The following UBE2Q2 variants were observed in gnomAD, a reference collection of about 807,000 sequenced individuals.
UBE2Q2 encodes the protein ubiquitin-conjugating enzyme E2 Q2.
In UBE2Q2, 54 loss-of-function variants were observed where a neutral mutation model predicts 59.9. The observed-to-expected ratio is 0.90, with a 90% CI of 0.72 to 1.13. UBE2Q2 has a LOEUF of 1.13. Ranked by LOEUF, UBE2Q2 falls within the 50% of genes most tolerant of loss-of-function variation. The pLI, the probability that UBE2Q2 is intolerant of heterozygous loss-of-function variation, is 0.00. For missense variants in UBE2Q2, 433 were observed against 441.9 expected, an observed-to-expected ratio of 0.98 and a Z score of 0.18; for synonymous variants, 165 against 155.2, an observed-to-expected ratio of 1.06 and a Z score of -0.47.
chr15:75,876,783 CCTCT>C (rs1375130316), intron 6 of UBE2Q2, among the ~76,000 whole-genome samples: 2 of 152,092 alleles, frequency 1.3e-5, no homozygotes, highest in African/African-American at 4.8e-5. Flanking sequence ...TGTTATGGAA[CCTCT>C]CTAACTAGAG....
intron 4 of UBE2Q2, among the ~76,000 whole-genome samples, chr15:75,870,387 A>T (rs897325103): frequency 2.0e-5 from 3 of 152,136 alleles, no homozygotes; most frequent in African/African-American, 7.2e-5. Flanking sequence ...GGCTTGTTTT[A>T]TGAGTCTGGG....
chr15:75,859,219 A>T lies in UBE2Q2; in HGVS notation c.283-659A>T, dbSNP rs185327568. On this transcript the variant is annotated intron_variant, in intron 2 of 12. Coordinates refer to ENST00000267938, the MANE Select transcript of UBE2Q2 (RefSeq NM_173469.4). ...TACAGTTATTCTTTGCAGTTTTCCTAGTGAATTATTGTTATTTTTTATACA... is the reference window on the plus strand; with the variant it reads ...TACAGTTATTCTTTGCAGTTTTCCTTGTGAATTATTGTTATTTTTTATACA... Among the ~76,000 whole-genome samples, 245 of 152,334 alleles carry T rather than the reference A, an allele frequency of 1.6e-3. 2 individuals carry two copies. The highest frequency in any genetic ancestry group is 5.7e-3 in the African/African-American group (239 of 41,570).
intron 1 of UBE2Q2, among the ~76,000 whole-genome samples, chr15:75,851,207 C>G (rs1896620145): frequency 6.6e-6 from 1 of 150,940 alleles, no homozygotes; most frequent in African/African-American, 2.4e-5. Flanking sequence ...TCACAGCTCA[C>G]TGCACCCTCA....
At chr15:75,872,938 G>A (rs549561664) in intron 4 of UBE2Q2, among the ~76,000 whole-genome samples, 4 of 151,986 alleles carry the variant, frequency 2.6e-5, no homozygotes, top group Non-Finnish European at 5.9e-5. Flanking sequence ...GTATTTCAGT[G>A]GCCTCTTAAT....
At position 75,856,247 on chromosome 15, in the gene UBE2Q2, G is replaced by A. The variant is rs2675219; in HGVS notation, c.282+1760G>A. 9.7e-3 allele frequency among the ~76,000 whole-genome samples: 510 copies of A among 52,476 alleles called. 5 individuals carry two copies. Among genetic ancestry groups the A allele is most frequent in the African/African-American group, 0.058 (492 of 8,544 alleles). 34.4% of individuals were successfully genotyped at this position (52,476 alleles called of 152,430 possible). A position where few individuals can be genotyped will look rare whatever the true frequency, so the allele number is the denominator to read the frequency against. ...CATGTATGTGTATATGTGTATATAC[G>A]TGTGTGTGTGTGTGTGTGTGTGTAT... On this transcript the variant is annotated intron_variant, in intron 2 of 12. Coordinates refer to ENST00000267938, the MANE Select transcript of UBE2Q2 (RefSeq NM_173469.4).
At position 75,843,811 on chromosome 15, in the gene UBE2Q2, C is replaced by T; in HGVS notation, c.145C>T (p.Leu49=). 6.3e-7 allele frequency: 1 copy of T among 1,599,534 alleles called. No individual in the cohort carries two copies. The highest frequency in any genetic ancestry group is 1.3e-5 in the African/African-American group (1 of 74,198). Residue 49 remains leucine (L), a synonymous_variant, in exon 1 of 13, where the codon CTG becomes TTG. Coordinates refer to ENST00000267938, the MANE Select transcript of UBE2Q2 (RefSeq NM_173469.4). The part of the protein sequence containing the change: ...LVPQQGSPHS[L]PPPLTLHCNI... ...GCCGCAGCAGGGCAGCCCGCACTCG[C>T]TGCCGCCGCCACTCACGCTCCACTG...
At chr15:75,861,783 C>A (rs905235390) in intron 3 of UBE2Q2, among the ~76,000 whole-genome samples, 1 of 152,154 alleles carries the variant, frequency 6.6e-6, no homozygotes, top group Non-Finnish European at 1.5e-5. Flanking sequence ...ACAAATTTGC[C>A]TATCTATCAC....
At chr15:75,846,080 AGTT>A (rs1896330334) in intron 1 of UBE2Q2, among the ~76,000 whole-genome samples, 1 of 152,226 alleles carries the variant, frequency 6.6e-6, no homozygotes, top group Non-Finnish European at 1.5e-5. Context: ...AATGTACAAA[AGTT>A]GAACAGTGTA....
At chr15:75,888,626 CAAAAT>C (rs1321398463) in intron 9 of UBE2Q2, among the ~76,000 whole-genome samples, 1 of 152,078 alleles carries the variant, frequency 6.6e-6, no homozygotes, top group Non-Finnish European at 1.5e-5. Context: ...CACTTGTTGA[CAAAAT>C]GAATGTAATT....
chr15:75,870,049 A>G (rs938728906), intron 4 of UBE2Q2, among the ~76,000 whole-genome samples: 1 of 152,140 alleles, frequency 6.6e-6, no homozygotes, highest in African/African-American at 2.4e-5. Flanking sequence ...AATGCTTCAG[A>G]ACTAAAGAAG....
At chr15:75,846,268 C>T (rs1365412004) in intron 1 of UBE2Q2, among the ~76,000 whole-genome samples, 2 of 152,112 alleles carry the variant, frequency 1.3e-5, no homozygotes, top group South Asian at 2.1e-4. Context: ...GACGGAGTCT[C>T]GCTGTGTCGT....
chr15:75,872,442 T>G (rs1897846899), intron 4 of UBE2Q2, among the ~76,000 whole-genome samples: 1 of 151,896 alleles, frequency 6.6e-6, no homozygotes, highest in South Asian at 2.1e-4. Flanking sequence ...TTTATATATG[T>G]GTAAGAACAG....
At position 75,889,236 on chromosome 15, in the gene UBE2Q2, T is replaced by C. The variant is rs567838417; in HGVS notation, c.885-1199T>C. Among the ~76,000 whole-genome samples, 77 of 152,330 alleles carry C rather than the reference T, an allele frequency of 5.1e-4. 1 individual carries two copies. In the South Asian group the frequency reaches 0.016, roughly 31 times the overall value. ...TGAATTTAAATTTTTGGAGAGTTTT[T>C]CTTTTAGATTTTCTTTCACTTTTAG... On this transcript the variant is annotated intron_variant, in intron 9 of 12. Coordinates refer to ENST00000267938, the MANE Select transcript of UBE2Q2 (RefSeq NM_173469.4).
intron 11 of UBE2Q2, among the ~76,000 whole-genome samples, chr15:75,892,186 G>A (rs1482409151): frequency 6.6e-6 from 1 of 152,180 alleles, no homozygotes; most frequent in South Asian, 2.1e-4. Context: ...TGGTAAAGTG[G>A]TCTCATGTTA....
chr15:75,892,956 AT>A (rs1414388076), intron 11 of UBE2Q2, among the ~76,000 whole-genome samples: 8 of 152,212 alleles, frequency 5.3e-5, no homozygotes, highest in Non-Finnish European at 1.2e-4. Context: ...TCTCAAAAAA[AT>A]AAGTTAGAAT....
At chr15:75,875,252 A>G (rs191155045) in intron 5 of UBE2Q2, among the ~76,000 whole-genome samples, 1 of 152,292 alleles carries the variant, frequency 6.6e-6, no homozygotes, top group Admixed American at 6.5e-5. Flanking sequence ...AGATAGGAAA[A>G]ACTTCTCATA....
At chr15:75,863,404 T>A (rs1897291805) in intron 3 of UBE2Q2, among the ~76,000 whole-genome samples, 1 of 152,104 alleles carries the variant, frequency 6.6e-6, no homozygotes, top group South Asian at 2.1e-4. Flanking sequence ...GGGAGAAATA[T>A]GTGTTCAGTA....
At position 75,894,407 on chromosome 15, in the gene UBE2Q2, A is replaced by AAAAAC. The variant is rs569005095; in HGVS notation, c.1030-2571_1030-2567dup. Among the ~76,000 whole-genome samples the AAAAAC allele has an allele frequency of 1.4e-4, 22 of 152,180 alleles. No individual in the cohort carries two copies. The South Asian group carries it at 1.5e-3, about 10-fold the overall frequency. ...ACATGGTGAAACCAATCTCTGTAAA[A>AAAAAC]AAAACAAAACAAAACAAAACATGAA... On this transcript the variant is annotated intron_variant, in intron 11 of 12. Transcript: ENST00000267938.
At chr15:75,878,079 G>A in intron 7 of UBE2Q2, 58 bp downstream of exon 7, 2 of 1,470,492 alleles carry the variant, frequency 1.4e-6, no homozygotes, top group South Asian at 1.2e-5. Flanking sequence ...CACAGTGGAG[G>A]TTATTTTCCT....
Sources: allele counts gnomAD v4.1 joint callset (sites outside exome capture counted in the v4.1 genomes callset), GRCh38; gene constraint gnomAD v4.1.1; transcripts MANE v1.5; gene names NCBI Gene and HGNC (gene_info 2026-07-23, HGNC 2026-07-21).